Variants in HAS3 observed in about 807,000 individuals in gnomAD.
HAS3 encodes hyaluronan synthase 3, also known as HA synthase 3.
In HAS3, 27 loss-of-function variants were observed where a neutral mutation model predicts 50.3. That is an observed-to-expected ratio of 0.54 (90% confidence interval 0.40 to 0.74). The LOEUF is 0.74. Among genes scored for constraint, HAS3 ranks in the 30% least tolerant of loss-of-function variants. The pLI is 0.00. For missense variants in HAS3, 517 were observed against 742.8 expected (o/e 0.70, Z 3.53); for synonymous variants, 339 against 310.9 (o/e 1.09, Z -0.95).
downstream of HAS3, chr16:69,117,727 A>G (rs1179021848): frequency 4.8e-6 from 4 of 836,464 alleles, no homozygotes; most frequent in African/African-American, 7.4e-5. Context: ...AGAGGGACTT[A>G]AAATAGAAAG....
rs1027772287 is a variant in HAS3 at position 69,107,568 on chromosome 16, T to C, written c.-1+1781T>C. On this transcript the variant is annotated intron_variant, in intron 1 of 3. Transcript: ENST00000569188. The surrounding 1 kb of genome is among the most constrained non-coding windows in gnomAD (Gnocchi z 5.5). ...TGCGTTCGCGGCTGCTTTGACCTGGTGGGCGCCGCCTCCGGCACTGCACCG... is the reference window on the plus strand; with the variant it reads ...TGCGTTCGCGGCTGCTTTGACCTGGCGGGCGCCGCCTCCGGCACTGCACCG... 1.3e-5 allele frequency: 13 copies of C among 985,274 alleles called. No homozygotes were observed. Among genetic ancestry groups the C allele is most frequent in the African/African-American group, 3.5e-5 (2 of 57,204 alleles). 61.0% of individuals were successfully genotyped at this position (985,274 alleles called of 1,614,324 possible).
intron 2 of HAS3, among the ~76,000 whole-genome samples, chr16:69,111,219 C>T (rs1378301516): frequency 1.7e-5 from 2 of 116,880 alleles, no homozygotes; most frequent in Non-Finnish European, 3.2e-5. Context: ...TACAGGTGTG[C>T]ACCACAACAC....
intron 2 of HAS3, among the ~76,000 whole-genome samples, chr16:69,110,617 C>T (rs1960968352): frequency 6.6e-6 from 1 of 152,128 alleles, no homozygotes; most frequent in South Asian, 2.1e-4. Context: ...CTTAACACTC[C>T]CAGGGAGAAG....
chr16:69,103,119 C>T (rs928123848), upstream of HAS3, among the ~76,000 whole-genome samples: 1 of 152,096 alleles, frequency 6.6e-6, no homozygotes, highest in Non-Finnish European at 1.5e-5. Flanking sequence ...TCTGGCTTCT[C>T]TTGACAACAG....
rs1961247126 is a variant in HAS3, at chr16:69,117,594, A to AT, written c.*2332dup. On this transcript the variant is annotated 3_prime_UTR_variant, in exon 4 of 4. Transcript: ENST00000569188. ...TTACCTGCTTTTTTTTTTTTTTTTAATTTTCAGGTCAAGTTTTTTATACTG... is the reference window on the plus strand; with the variant it reads ...TTACCTGCTTTTTTTTTTTTTTTTAATTTTTCAGGTCAAGTTTTTTATACTG... 1.4e-6 allele frequency: 1 copy of AT among 723,360 alleles called. No individual in the cohort carries two copies. The highest frequency in any genetic ancestry group is 2.2e-5 in the African/African-American group (1 of 45,324). 44.8% of individuals were successfully genotyped at this position (723,360 alleles called of 1,614,324 possible).
At chr16:69,086,946 G>C in the HAS3 span, among the ~76,000 whole-genome samples, 8 of 152,066 alleles carry the variant, frequency 5.3e-5, no homozygotes, top group Admixed American at 3.3e-4. Flanking sequence ...GAAATACACG[G>C]GAACAAAAGT....
chr16:69,091,941 G>A, the HAS3 span, among the ~76,000 whole-genome samples: 2 of 152,088 alleles, frequency 1.3e-5, no homozygotes, highest in African/African-American at 2.4e-5. Context: ...CTTAAAGTAC[G>A]GGTTCATCTG....
At chr16:69,089,781 A>T in the HAS3 span, among the ~76,000 whole-genome samples, 7 of 152,294 alleles carry the variant, frequency 4.6e-5, no homozygotes, top group Middle Eastern at 3.4e-3. Context: ...TGTCCTCCCC[A>T]GTTCTTCATA....
upstream of HAS3, among the ~76,000 whole-genome samples, chr16:69,104,259 GTTTTT>G (rs544314357): frequency 0.087 from 11,048 of 127,040 alleles, 598 homozygotes; most frequent in African/African-American, 0.18. Context: ...CCTGGCTAAT[GTTTTT>G]TTTTTTTTTC....
downstream of HAS3, chr16:69,118,242 G>A: frequency 1.4e-6 from 1 of 702,146 alleles, no homozygotes; most frequent in South Asian, 1.6e-5. Flanking sequence ...CTTAAATCTG[G>A]CCACCTCTAA....
At chr16:69,103,066 A>G (rs1001136912), upstream of HAS3, among the ~76,000 whole-genome samples, 7 of 150,654 alleles carry the variant, frequency 4.6e-5, no homozygotes, top group Non-Finnish European at 5.9e-5. Context: ...TGAATTACCA[A>G]TGCTTAAAAA....
the HAS3 span, among the ~76,000 whole-genome samples, chr16:69,093,262 G>A: frequency 6.6e-6 from 1 of 152,228 alleles, no homozygotes; most frequent in Non-Finnish European, 1.5e-5. Context: ...TCAGGCTGGA[G>A]TGCAGTGGCG....
chr16:69,109,662 G>A lies in HAS3; in HGVS notation c.267G>A (p.Leu89=), dbSNP rs747287296. ...CCCCGCGGCGGGGCTCGGTGGCACT[G>A]TGCATTGCCGCATACCAGGAGGACC... ...LPSPRRGSVA[L]CIAAYQEDPD... Residue 89 remains leucine (L), a synonymous_variant, in exon 2 of 4, where the codon CTG becomes CTA. Coordinates refer to ENST00000569188, the MANE Select transcript of HAS3 (RefSeq NM_001199280.2). The surrounding 1 kb of genome is among the most constrained non-coding windows in gnomAD (Gnocchi z 5.3). 1.4e-5 allele frequency: 22 copies of A among 1,609,908 alleles called. No homozygotes were observed. In the Admixed American group the frequency reaches 3.7e-4, roughly 27 times the overall value.
chr16:69,097,786 G>A, the HAS3 span, among the ~76,000 whole-genome samples: 629 of 152,272 alleles, frequency 4.1e-3, 4 homozygotes, highest in African/African-American at 0.014. Flanking sequence ...TCCTCAATGA[G>A]GAGGTGAGTG....
Position 69,107,262 on chromosome 16 carries a change from TG to T in HAS3, c.-1+1480del. ...GAGGGACATTTTGGGGGCCTCTATT[TG>T]GGGGTGGGGGTAGTAACCTGGGTAA... On this transcript the variant is annotated intron_variant, in intron 1 of 3. Transcript: ENST00000569188. The surrounding 1 kb of genome is among the most constrained non-coding windows in gnomAD (Gnocchi z 5.5). The T allele has an allele frequency of 1.2e-6, 1 of 801,334 alleles. No individual in the cohort carries two copies. The highest frequency in any genetic ancestry group is 1.5e-6 in the Non-Finnish European group (1 of 684,656). 49.6% of individuals were successfully genotyped at this position (801,334 alleles called of 1,614,324 possible).
downstream of HAS3, chr16:69,118,401 C>T: frequency 1.2e-6 from 2 of 1,613,156 alleles, no homozygotes; most frequent in Non-Finnish European, 1.7e-6. Flanking sequence ...GTCCAAGCTG[C>T]CCAGGTCAGA....
At chr16:69,101,157 C>G (rs933296784), upstream of HAS3, among the ~76,000 whole-genome samples, 1 of 152,194 alleles carries the variant, frequency 6.6e-6, no homozygotes, top group Non-Finnish European at 1.5e-5. Context: ...CCATAACCTA[C>G]TGGATACAAT....
the HAS3 span, among the ~76,000 whole-genome samples, chr16:69,088,054 T>C: frequency 6.6e-6 from 1 of 152,082 alleles, no homozygotes; most frequent in Non-Finnish European, 1.5e-5. Context: ...TTCCTATGGC[T>C]CTGCCTGCTC....
upstream of HAS3, among the ~76,000 whole-genome samples, chr16:69,103,644 G>A (rs564925343): frequency 9.7e-4 from 147 of 152,178 alleles, 2 homozygotes; most frequent in Middle Eastern, 6.8e-3. Context: ...TGATCCACCC[G>A]CCTCAGCCTC....
Sources: gnomAD v4.1 joint callset for allele counts (sites outside exome capture counted in the v4.1 genomes callset) on GRCh38, gnomAD v4.1.1 for gene constraint, Gnocchi (gnomAD v3.1) non-coding constraint, MANE v1.5 for transcripts, NCBI Gene and HGNC (gene_info 2026-07-23, HGNC 2026-07-21) for gene names.